The following MAPK10 variants were observed in gnomAD, a reference collection of about 807,000 sequenced individuals.
MAPK10 encodes mitogen-activated protein kinase 10.
MAPK10 carries 25 observed loss-of-function variants against 59.3 expected under a neutral mutation model. The ratio of observed to expected loss-of-function variants is 0.42; its 90% CI spans 0.31 to 0.59. MAPK10 has a LOEUF of 0.59. Ranked by LOEUF, MAPK10 falls within the 20% of genes least tolerant of loss-of-function variation. MAPK10 has a pLI of 0.15. For missense variants in MAPK10, 351 were observed against 568.9 expected (o/e 0.62, Z 3.90); for synonymous variants, 190 against 200.5 (o/e 0.95, Z 0.44).
At chr4:86,213,349 G>T (rs1006167115) in intron 2 of MAPK10, among the ~76,000 whole-genome samples, 1 of 151,936 alleles carries the variant, frequency 6.6e-6, no homozygotes, top group African/African-American at 2.4e-5. Context: ...AAATAACAAA[G>T]ATTTGAGCAG....
At chr4:86,304,635 G>A (rs908389413) in intron 2 of MAPK10, among the ~76,000 whole-genome samples, 2 of 151,012 alleles carry the variant, frequency 1.3e-5, no homozygotes, top group Middle Eastern at 3.4e-3. Flanking sequence ...CTTGTGATCC[G>A]CCCGCCTCGG....
chr4:86,508,493 G>A (rs985047051), intron 1 of MAPK10, among the ~76,000 whole-genome samples: 2 of 152,076 alleles, frequency 1.3e-5, no homozygotes, highest in African/African-American at 2.4e-5. Flanking sequence ...TGGTTTCTAC[G>A]GAGTTTACAT....
chr4:86,389,774 C>T (rs565988209), intron 1 of MAPK10, among the ~76,000 whole-genome samples: 31 of 152,266 alleles, frequency 2.0e-4, no homozygotes, highest in African/African-American at 7.5e-4. Flanking sequence ...TTGTATGATG[C>T]TTTATTTTCT....
intron 5 of MAPK10, among the ~76,000 whole-genome samples, chr4:86,106,408 A>C (rs1349616647): frequency 6.7e-6 from 1 of 149,842 alleles, no homozygotes; most frequent in Non-Finnish European, 1.5e-5. Flanking sequence ...TAAGAAAATA[A>C]AATTTTATTT....
chr4:86,256,881 C>T (rs1228756001), intron 2 of MAPK10, among the ~76,000 whole-genome samples: 1 of 149,466 alleles, frequency 6.7e-6, no homozygotes, highest in African/African-American at 2.5e-5. Flanking sequence ...GCTGGGACTA[C>T]AGGCGCCCGC....
intron 2 of MAPK10, among the ~76,000 whole-genome samples, chr4:86,320,836 A>C (rs2148891509): frequency 6.6e-6 from 1 of 152,274 alleles, no homozygotes; most frequent in African/African-American, 2.4e-5. Context: ...TTTTTGTATA[A>C]GCTGTAAGGA....
At chr4:86,258,429 T>C (rs540669712) in intron 2 of MAPK10, among the ~76,000 whole-genome samples, 128 of 152,322 alleles carry the variant, frequency 8.4e-4, no homozygotes, top group Non-Finnish European at 1.1e-3. Context: ...AAACCCCTTC[T>C]ATGTTGGTTT....
chr4:86,198,506 G>A (rs1018891738), intron 2 of MAPK10, among the ~76,000 whole-genome samples: 1 of 151,962 alleles, frequency 6.6e-6, no homozygotes, highest in Non-Finnish European at 1.5e-5. Context: ...ACTGTCAAAG[G>A]CTAATTTATG....
rs4640664 is a variant in MAPK10, at chr4:86,011,333, T to C, written c.*5895A>G. The C allele has an allele frequency of 0.56, 84,714 of 152,086 alleles. 26,036 individuals carry two copies. The highest frequency in any genetic ancestry group is 0.83 in the African/African-American group (34,593 of 41,518). 9.4% of individuals were successfully genotyped at this position (152,086 alleles called of 1,614,324 possible). On this transcript the variant is annotated 3_prime_UTR_variant, in exon 14 of 14. Transcript: ENST00000641462. Reference sequence around the variant, plus strand: ...TCATCCAAGCATGCCTTTCAACATCTGTGGAGAAAAGACATGTTACAAATA... The same window carrying C: ...TCATCCAAGCATGCCTTTCAACATCCGTGGAGAAAAGACATGTTACAAATA...
chr4:86,315,981 A>G (rs2095778646), intron 2 of MAPK10, among the ~76,000 whole-genome samples: 2 of 152,202 alleles, frequency 1.3e-5, no homozygotes, highest in Non-Finnish European at 2.9e-5. Context: ...TCTTCTGTGC[A>G]AGTAAATCTC....
intron 2 of MAPK10, among the ~76,000 whole-genome samples, chr4:86,330,125 G>A (rs1283492600): frequency 6.6e-6 from 1 of 152,178 alleles, no homozygotes; most frequent in Non-Finnish European, 1.5e-5. Flanking sequence ...ACATAGAGGT[G>A]TATTGTGCTG....
chr4:86,170,453 A>G (rs2073756603), intron 3 of MAPK10, among the ~76,000 whole-genome samples: 1 of 152,202 alleles, frequency 6.6e-6, no homozygotes, highest in Non-Finnish European at 1.5e-5. Flanking sequence ...TTGTTAAACC[A>G]ACAAAGATCA....
At chr4:86,084,441 T>TGA (rs2051329090) in intron 9 of MAPK10, among the ~76,000 whole-genome samples, 1 of 152,192 alleles carries the variant, frequency 6.6e-6, no homozygotes, top group African/African-American at 2.4e-5. Flanking sequence ...ATCAGTAGCA[T>TGA]TTCTATATGA....
chr4:86,304,951 A>T (rs2095540348), intron 2 of MAPK10, among the ~76,000 whole-genome samples: 1 of 152,210 alleles, frequency 6.6e-6, no homozygotes, highest in South Asian at 2.1e-4. Context: ...GTGTTGTCTG[A>T]ATTAAAAATA....
chr4:86,083,943 C>T (rs967191251), intron 9 of MAPK10, among the ~76,000 whole-genome samples: 2 of 152,182 alleles, frequency 1.3e-5, no homozygotes, highest in Admixed American at 6.5e-5. Flanking sequence ...TTTCTAGACA[C>T]ACCCTGGGAC....
intron 8 of MAPK10, 143 bp downstream of exon 8, chr4:86,100,909 T>A: frequency 1.6e-6 from 1 of 624,502 alleles, no homozygotes. Context: ...TTACCAGTAG[T>A]ATTAAAAAAA....
chr4:86,177,092 A>C (rs992952037), intron 3 of MAPK10, among the ~76,000 whole-genome samples: 3 of 152,118 alleles, frequency 2.0e-5, no homozygotes, highest in African/African-American at 7.2e-5. Context: ...AGTTTTTTTA[A>C]AAAGGGATAT....
chr4:86,124,527 C>T (rs531645523), intron 4 of MAPK10: 3 of 151,742 alleles, frequency 2.0e-5, no homozygotes, highest in African/African-American at 7.2e-5. Flanking sequence ...ACAAATGGAG[C>T]ATCCCAGTAT....
At chr4:86,047,777 T>C (rs2042785894) in intron 11 of MAPK10, among the ~76,000 whole-genome samples, 1 of 152,138 alleles carries the variant, frequency 6.6e-6, no homozygotes, top group African/African-American at 2.4e-5. Context: ...ACTTTGAGTT[T>C]TGTTATAAAT....
Sources: gnomAD v4.1 joint callset for allele counts (sites outside exome capture counted in the v4.1 genomes callset) on GRCh38, gnomAD v4.1.1 for gene constraint, MANE v1.5 for transcripts, NCBI Gene and HGNC (gene_info 2026-07-23, HGNC 2026-07-21) for gene names.